LOXL4: variants seen among roughly 807,000 people sequenced by gnomAD.
The protein encoded by LOXL4 is lysyl oxidase homolog 4.
LOXL4 carries 72 observed loss-of-function variants against 89.1 expected under a neutral mutation model. That is an observed-to-expected ratio of 0.81 (90% CI 0.67 to 0.98). The LOEUF (loss-of-function observed/expected upper bound fraction) is 0.98, where lower values mean the gene tolerates loss of function less well. LOXL4 is among the 50% of genes least tolerant of loss of function. The pLI is 0.00. For synonymous variants in LOXL4, 355 were observed against 392.1 expected, an observed-to-expected ratio of 0.91 and a Z score of 1.12; for missense variants, 984 against 1,017.5, an observed-to-expected ratio of 0.97 and a Z score of 0.45.
At chr10:98,249,545 T>G (rs569149263) in intron 14 of LOXL4, among the ~76,000 whole-genome samples, 1 of 152,226 alleles carries the variant, frequency 6.6e-6, no homozygotes, top group Non-Finnish European at 1.5e-5. Flanking sequence ...TTTTCTACTT[T>G]CTTTATGCTT....
rs1227804130 is a variant in LOXL4, at chr10:98,265,559, A to G, written c.-32-2508T>C. ...GCTGGGATTACAGGCATGCGCCAACATGCCCAGCTAATTTATCTGTATTTT... is the reference window on the plus strand; with the variant it reads ...GCTGGGATTACAGGCATGCGCCAACGTGCCCAGCTAATTTATCTGTATTTT... On this transcript the variant is annotated intron_variant, in intron 1 of 14. Transcript: ENST00000260702. Among the ~76,000 whole-genome samples the G allele has an allele frequency of 3.1e-5, 4 of 129,938 alleles. 1 individual carries two copies. Among genetic ancestry groups the G allele is most frequent in the Admixed American group, 3.0e-4 (4 of 13,524 alleles). The allele number at this position is 129,938 out of a possible 152,430, so 85.2% of individuals were successfully genotyped here. A position where few individuals can be genotyped will look rare whatever the true frequency, so the allele number is the denominator to read the frequency against.
chr10:98,265,053 G>A (rs1351822928), intron 1 of LOXL4, among the ~76,000 whole-genome samples: 1 of 152,218 alleles, frequency 6.6e-6, no homozygotes, highest in African/African-American at 2.4e-5. Context: ...CATGGGAGTG[G>A]GGATGTGTTG....
chr10:98,266,270 A>C (rs996204529), intron 1 of LOXL4, among the ~76,000 whole-genome samples: 3 of 152,156 alleles, frequency 2.0e-5, no homozygotes, highest in Non-Finnish European at 2.9e-5. Context: ...GAATGCTTCT[A>C]TCTCTGCCGC....
At position 98,251,126 on chromosome 10, in the gene LOXL4, A is replaced by G. The variant is rs1356638752; in HGVS notation, c.2139T>C (p.Asn713=). ...YEVAESDFSN[N]MLQCRCKYDG... The stretch of plus-strand genomic sequence containing the variant: ...CATACTTGCAGCGGCACTGCAGCAT[A>G]TTGTTGGAGAAATCTGACTCTGCCA... Residue 713 remains asparagine (N), a synonymous_variant, in exon 14 of 15, where the codon AAT becomes AAC. Transcript: ENST00000260702. 1.2e-6 allele frequency: 2 copies of G among 1,614,102 alleles called. No homozygotes were observed. The highest frequency in any genetic ancestry group is 1.7e-6 in the Non-Finnish European group (2 of 1,180,022).
Position 98,248,950 on chromosome 10 carries a change from C to A in LOXL4, c.2242G>T (p.Glu748Ter). The A allele has an allele frequency of 6.2e-7, 1 of 1,613,906 alleles. No homozygotes were observed. The highest frequency in any genetic ancestry group is 1.1e-5 in the South Asian group (1 of 90,936). Residue 748 changes from glutamate to a stop codon, truncating the protein, a stop_gained, in exon 15 of 15, where the codon GAA (glutamate) becomes TAA (stop). Transcript: ENST00000260702. LOFTEE classifies it high-confidence loss of function. ...PANAELSLEQ[E>*]QRLRNNLI ...ATGAGGTTGTTCCTGAGACGCTGTT[C>A]CTGCTCCAGGGAGAGTTCTGCATTG...
At position 98,253,601 on chromosome 10, in the gene LOXL4, AAGTC is replaced by A. The variant is rs771725467; in HGVS notation, c.1783_1786del (p.Asp595PhefsTer71). On this transcript the variant is annotated frameshift_variant, in exon 11 of 15. Transcript: ENST00000260702. LOFTEE classifies it high-confidence loss of function. ...GCTATCGCGTCCAGTCTTTGGACGA[AAGTC>A]AGTCCGGCCCAGATTGTAGATCTGT... is the stretch of plus-strand genomic sequence containing the variant. The A allele has an allele frequency of 7.4e-6, 12 of 1,614,142 alleles. No individual in the cohort carries two copies. The highest frequency in any genetic ancestry group is 2.2e-5 in the East Asian group (1 of 44,890).
Position 98,257,967 on chromosome 10 carries a change from G to C in LOXL4, c.1105+14C>G. The C allele has an allele frequency of 6.2e-7, 1 of 1,612,930 alleles. No homozygotes were observed. The highest frequency in any genetic ancestry group is 2.2e-5 in the East Asian group (1 of 44,856). ...ATCCAGGCCTTCTAACCCCTCCCAG[G>C]CTGTCTCACTCACCTTGGCCCAGCC... is the stretch of plus-strand genomic sequence containing the variant. On this transcript the variant is annotated intron_variant, in intron 7 of 14. Transcript: ENST00000260702.
intron 4 of LOXL4, among the ~76,000 whole-genome samples, chr10:98,259,885 C>T (rs1030566118): frequency 6.6e-6 from 1 of 152,304 alleles, no homozygotes; most frequent in South Asian, 2.1e-4. Flanking sequence ...GGGAGTCAGG[C>T]TGCATCCCAG....
rs777964914 is a variant in LOXL4, at chr10:98,251,059, A to T, written c.2200+6T>A. 2 of 1,607,338 alleles carry T rather than the reference A, an allele frequency of 1.2e-6. No individual in the cohort carries two copies. The highest frequency in any genetic ancestry group is 1.1e-5 in the South Asian group (1 of 90,790). Reference sequence around the variant, plus strand: ...GATGGCTGATTCCACAGTGGCTCGGAGTTACCTGTGTGGCAGTTGTGCAGC... The same window carrying T: ...GATGGCTGATTCCACAGTGGCTCGGTGTTACCTGTGTGGCAGTTGTGCAGC... On this transcript the variant is annotated splice_donor_region_variant and intron_variant, in intron 14 of 14. Coordinates refer to ENST00000260702, the MANE Select transcript of LOXL4 (RefSeq NM_032211.7).
At chr10:98,253,867 G>C (rs919490003) in intron 10 of LOXL4, 71 bp from the exon 11 acceptor site, 5 of 1,588,812 alleles carry the variant, frequency 3.1e-6, no homozygotes, top group South Asian at 1.1e-5. Flanking sequence ...CCAGCACAGA[G>C]GGCAAGCTTG....
Position 98,258,003 on chromosome 10 carries a change from G to A in LOXL4, c.1083C>T (p.Leu361=). Residue 361 remains leucine, a synonymous_variant, in exon 7 of 15, where the codon CTC becomes CTT. Transcript: ENST00000260702. Reference sequence around the variant, plus strand: ...CACCTTGGCCCAGCCGGGCCCCAAAGAGGGCCTCCCGAGCAGAGCCAAAGC... The same window carrying A: ...CACCTTGGCCCAGCCGGGCCCCAAAAAGGGCCTCCCGAGCAGAGCCAAAGC... ...QLGFGSAREA[L]FGARLGQGLG... 1 of 1,613,874 alleles carries A rather than the reference G, an allele frequency of 6.2e-7. No homozygotes were observed. The highest frequency in any genetic ancestry group is 1.3e-5 in the African/African-American group (1 of 75,078).
intron 10 of LOXL4, among the ~76,000 whole-genome samples, chr10:98,254,655 G>A (rs553281072): frequency 6.6e-6 from 1 of 152,376 alleles, no homozygotes; most frequent in African/African-American, 2.4e-5. Context: ...AAGTTGTCGT[G>A]AAGGATCAAA....
chr10:98,258,481 C>CTATCTCAGTGTGGCCACCTCAT, intron 6 of LOXL4, among the ~76,000 whole-genome samples: 1 of 151,174 alleles, frequency 6.6e-6, no homozygotes, highest in South Asian at 2.1e-4. Flanking sequence ...TACCACCTCA[C>CTATCTCAGTGTGGCCACCTCAT]GAGGCTATCT....
At chr10:98,260,480 TGG>T (rs941879543) in intron 4 of LOXL4, among the ~76,000 whole-genome samples, 8 of 128,574 alleles carry the variant, frequency 6.2e-5, no homozygotes, top group African/African-American at 2.0e-4. Flanking sequence ...GGGCGGGGGG[TGG>T]GGGGGCGTTC....
At chr10:98,258,546 T>A (rs952381956) in intron 6 of LOXL4, among the ~76,000 whole-genome samples, 1 of 151,722 alleles carries the variant, frequency 6.6e-6, no homozygotes, top group African/African-American at 2.4e-5. Context: ...AGTGTGGCAC[T>A]AAGGTGTCTG....
chr10:98,251,018 G>T, intron 14 of LOXL4, 47 bp downstream of exon 14: 1 of 1,382,252 alleles, frequency 7.2e-7, no homozygotes, highest in East Asian at 2.3e-5. Flanking sequence ...CAGTGTTCCA[G>T]CTCCCTGAGC....
At chr10:98,267,214 G>C (rs964725052) in intron 1 of LOXL4, among the ~76,000 whole-genome samples, 5 of 152,248 alleles carry the variant, frequency 3.3e-5, no homozygotes, top group Admixed American at 2.6e-4. Context: ...GTTGGAAGAG[G>C]GGGAGGAGGA....
intron 11 of LOXL4, among the ~76,000 whole-genome samples, chr10:98,252,883 C>T (rs535427029): frequency 1.3e-5 from 2 of 152,370 alleles, no homozygotes; most frequent in East Asian, 1.9e-4. Context: ...GTTATAATGA[C>T]AGCTCTGTTC....
At chr10:98,265,127 T>A (rs1389396229) in intron 1 of LOXL4, among the ~76,000 whole-genome samples, 2 of 152,174 alleles carry the variant, frequency 1.3e-5, no homozygotes, top group African/African-American at 4.8e-5. Flanking sequence ...TGTGGTTGCA[T>A]GGATGGGAGG....
Sources: gnomAD v4.1 joint callset for allele counts (sites outside exome capture counted in the v4.1 genomes callset) on GRCh38, gnomAD v4.1.1 for gene constraint, MANE v1.5 for transcripts, NCBI Gene and HGNC (gene_info 2026-07-23, HGNC 2026-07-21) for gene names.